The following SAXO1 variants were observed in gnomAD, a reference collection of about 807,000 sequenced individuals.
SAXO1 encodes 4930500O09Rik.
Under a neutral mutation model 17.5 loss-of-function variants are expected in SAXO1, and 21 were observed. The observed-to-expected ratio is 1.20, with a 90% CI of 0.85 to 1.72. The LOEUF is 1.72. Ranked by LOEUF, SAXO1 falls within the 40% of genes most tolerant of loss-of-function variation. The pLI is 0.00. For missense variants in SAXO1, 843 were observed against 596.0 expected, an observed-to-expected ratio of 1.41 and a Z score of -4.32; for synonymous variants, 274 against 216.5, an observed-to-expected ratio of 1.27 and a Z score of -2.33.
rs115742551 is a variant in SAXO1 at position 18,990,769 on chromosome 9, C to T, written c.39-39832G>A. On this transcript the variant is annotated intron_variant, in intron 1 of 3. Coordinates refer to ENST00000380534, the MANE Select transcript of SAXO1 (RefSeq NM_153707.4). The stretch of plus-strand genomic sequence containing the variant: ...AGCATCATAGGAGTGCAAACCCTAT[C>T]AGTGAACTGCGCATGCAAGCGATCT... Among the ~76,000 whole-genome samples the T allele has an allele frequency of 8.5e-3, 1,297 of 152,282 alleles. 20 individuals are homozygous for T. The highest frequency in any genetic ancestry group is 0.03 in the African/African-American group (1,227 of 41,542).
chr9:19,000,163 C>A (rs1834196434), intron 1 of SAXO1, among the ~76,000 whole-genome samples: 1 of 151,896 alleles, frequency 6.6e-6, no homozygotes. Context: ...AGCACCTCTG[C>A]CTGGCCGCCA....
At chr9:18,937,594 G>A (rs909102266) in intron 3 of SAXO1, among the ~76,000 whole-genome samples, 4 of 152,146 alleles carry the variant, frequency 2.6e-5, no homozygotes, top group Admixed American at 1.3e-4. Flanking sequence ...GTATTGGGAG[G>A]TGAGGCCTTT....
intron 1 of SAXO1, among the ~76,000 whole-genome samples, chr9:19,007,951 C>G (rs1244521453): frequency 6.6e-6 from 1 of 151,566 alleles, no homozygotes; most frequent in African/African-American, 2.4e-5. Flanking sequence ...GTCTGCAAGT[C>G]CTCAAACATT....
intron 1 of SAXO1, among the ~76,000 whole-genome samples, chr9:19,046,082 CAAAAAAA>C (rs57919139): frequency 3.6e-5 from 2 of 55,420 alleles, no homozygotes; most frequent in South Asian, 6.9e-4. Flanking sequence ...AACTCCGTCT[CAAAAAAA>C]AAAAAAAAAA....
chr9:18,950,756 A>G lies in SAXO1; in HGVS notation c.218+2T>C. 6.2e-7 allele frequency: 1 copy of G among 1,611,768 alleles called. No individual in the cohort carries two copies. The highest frequency in any genetic ancestry group is 8.5e-7 in the Non-Finnish European group (1 of 1,178,598). On this transcript the variant is annotated splice_donor_variant, in intron 2 of 3. Coordinates refer to ENST00000380534, the MANE Select transcript of SAXO1 (RefSeq NM_153707.4). LOFTEE classifies it high-confidence loss of function. ...GCATACATTAATACTGTTTGCCCTC[A>G]CCTTGATGTAGTCAGGCCTTCCATT...
chr9:19,019,901 C>G (rs1281063734), intron 1 of SAXO1, among the ~76,000 whole-genome samples: 1 of 152,056 alleles, frequency 6.6e-6, no homozygotes, highest in East Asian at 1.9e-4. Flanking sequence ...CTTCTGTAAA[C>G]TACAGCATTC....
chr9:18,978,495 C>T (rs557043710), intron 1 of SAXO1, among the ~76,000 whole-genome samples: 2 of 152,308 alleles, frequency 1.3e-5, no homozygotes, highest in African/African-American at 4.8e-5. Flanking sequence ...GGTCAGCTGT[C>T]AAGTAATCTT....
chr9:18,997,319 T>C (rs562836623), intron 1 of SAXO1, among the ~76,000 whole-genome samples: 2 of 152,358 alleles, frequency 1.3e-5, no homozygotes, highest in South Asian at 2.1e-4. Flanking sequence ...ACAGGTCACA[T>C]GCCCACAGAG....
At chr9:18,985,015 C>A (rs576092497) in intron 1 of SAXO1, among the ~76,000 whole-genome samples, 1 of 152,010 alleles carries the variant, frequency 6.6e-6, no homozygotes. Context: ...ATTATTTGTA[C>A]TAATTTCAAA....
In SAXO1 at chr9:19,027,952, A is replaced by C. The variant is rs937485383; in HGVS notation, c.38+4919T>G. On this transcript the variant is annotated intron_variant, in intron 1 of 3. Transcript: ENST00000380534. ...AAGATGAACGTCAGTCCTGACGTGA[A>C]CTGCGAGGGAGCTGACCCGCTGCAC... 1.0e-5 allele frequency: 15 copies of C among 1,463,058 alleles called. No homozygotes were observed. In the African/African-American group the frequency reaches 1.7e-4, roughly 16 times the overall value. 90.6% of individuals were successfully genotyped at this position (1,463,058 alleles called of 1,614,324 possible).
intron 1 of SAXO1, among the ~76,000 whole-genome samples, chr9:18,975,027 T>C (rs559869149): frequency 6.6e-6 from 1 of 152,252 alleles, no homozygotes; most frequent in African/African-American, 2.4e-5. Flanking sequence ...CATGACTGTG[T>C]AGGGTATGGC....
intron 1 of SAXO1, among the ~76,000 whole-genome samples, chr9:19,039,487 C>T (rs1403459928): frequency 6.6e-6 from 1 of 152,172 alleles, no homozygotes; most frequent in Non-Finnish European, 1.5e-5. Flanking sequence ...TGTACTTCGT[C>T]CCTCAAAGTT....
chr9:19,009,445 A>T (rs1227118311), intron 1 of SAXO1, among the ~76,000 whole-genome samples: 1 of 152,216 alleles, frequency 6.6e-6, no homozygotes, highest in Non-Finnish European at 1.5e-5. Flanking sequence ...AGCCATGATG[A>T]TATAAACAGC....
chr9:18,960,509 C>T (rs532481593), intron 1 of SAXO1, among the ~76,000 whole-genome samples: 8 of 152,282 alleles, frequency 5.3e-5, no homozygotes, highest in Admixed American at 5.2e-4. Flanking sequence ...TACTCTTCCC[C>T]ACACATGCCT....
At chr9:18,971,517 A>C (rs1832942277) in intron 1 of SAXO1, among the ~76,000 whole-genome samples, 1 of 152,130 alleles carries the variant, frequency 6.6e-6, no homozygotes, top group Admixed American at 6.6e-5. Context: ...ATTTCACTAC[A>C]TTTATTCCTC....
chr9:19,027,669 C>T lies in SAXO1; in HGVS notation c.38+5202G>A, dbSNP rs529807449. On this transcript the variant is annotated intron_variant, in intron 1 of 3. Coordinates refer to ENST00000380534, the MANE Select transcript of SAXO1 (RefSeq NM_153707.4). ...GCCTTCGCCCTGGCCAAGGAGAAAG[C>T]GCCCTCCATCATCTTCACTGATGAG... 5.2e-6 allele frequency: 7 copies of T among 1,358,778 alleles called. No individual in the cohort carries two copies. The East Asian group carries it at 9.2e-5, about 18-fold the overall frequency. 84.2% of individuals were successfully genotyped at this position (1,358,778 alleles called of 1,614,324 possible). A position where few individuals can be genotyped will look rare whatever the true frequency, so the allele number is the denominator to read the frequency against.
Position 18,929,053 on chromosome 9 carries a change from C to G in SAXO1, c.424G>C (p.Asp142His), listed in dbSNP as rs1182595288. Residue 142 changes from aspartate (D) to histidine (H), a missense_variant and splice_region_variant, in exon 4 of 4, where the codon GAT (aspartate) becomes CAT (histidine). By Grantham distance (81) the Asp-to-His change is moderately conservative (BLOSUM62 -1). Coordinates refer to ENST00000380534, the MANE Select transcript of SAXO1 (RefSeq NM_153707.4). Reference protein sequence around the residue: ...KMECLPTYKADYLPWNQPRRE... With the variant: ...KMECLPTYKAHYLPWNQPRRE... ...CTTGGTTGGTTCCAAGGCAAATAATCAGCTGAAATTAAAGCAGAAGAGGTA... is the reference window on the plus strand; with the variant it reads ...CTTGGTTGGTTCCAAGGCAAATAATGAGCTGAAATTAAAGCAGAAGAGGTA... 6.2e-7 allele frequency: 1 copy of G among 1,613,380 alleles called. No individual in the cohort carries two copies.
chr9:18,965,710 T>G (rs1203838685), intron 1 of SAXO1, among the ~76,000 whole-genome samples: 1 of 152,192 alleles, frequency 6.6e-6, no homozygotes, highest in Non-Finnish European at 1.5e-5. Context: ...TTTGCCAGTC[T>G]GTGTCTTTTA....
intron 1 of SAXO1, among the ~76,000 whole-genome samples, chr9:19,044,891 C>A (rs892254202): frequency 4.9e-4 from 74 of 152,022 alleles, no homozygotes; most frequent in Non-Finnish European, 9.7e-4. Context: ...AATCCTTAGC[C>A]AGTAGTAGGG....
Sources: allele counts gnomAD v4.1 joint callset (sites outside exome capture counted in the v4.1 genomes callset), GRCh38; gene constraint gnomAD v4.1.1; transcripts MANE v1.5; gene names NCBI Gene and HGNC (gene_info 2026-07-23, HGNC 2026-07-21).